IRF8: variants seen among roughly 807,000 people sequenced by gnomAD.
The protein encoded by IRF8 is interferon consensus sequence binding protein 1.
In IRF8, 14 loss-of-function variants were observed where a neutral mutation model predicts 48.7. The ratio of observed to expected loss-of-function variants is 0.29; its 90% CI spans 0.19 to 0.45. IRF8 has a LOEUF of 0.45. IRF8 is among the 20% of genes least tolerant of loss of function. IRF8 has a pLI of 1.00. For synonymous variants in IRF8, 278 were observed against 227.3 expected (o/e 1.22, Z -2.01); for missense variants, 493 against 580.7 (o/e 0.85, Z 1.55).
At position 85,903,085 on chromosome 16, in the gene IRF8, C is replaced by G. The variant is rs1904878101; in HGVS notation, c.70C>G (p.Pro24Ala). The change falls in exon 2 of 9, where the codon CCA becomes GCA. Residue 24 changes from proline (P) to alanine (A), a missense_variant. By Grantham distance (27) the Pro-to-Ala change is conservative. Around this residue, in one of 3 missense-constraint regions of IRF8, gnomAD observed 54 missense variants for 59.9 expected, o/e 0.90. Transcript: ENST00000268638. The stretch of plus-strand genomic sequence containing the variant: ...CGAGCAGATTGACAGTAGCATGTAT[C>G]CAGGACTGATTTGGGAGAATGAGGA... ...LIEQIDSSMYPGLIWENEEKS... is the reference protein window; with the variant it reads ...LIEQIDSSMYAGLIWENEEKS... 6.2e-7 allele frequency: 1 copy of G among 1,614,154 alleles called. No individual in the cohort carries two copies. The highest frequency in any genetic ancestry group is 8.5e-7 in the Non-Finnish European group (1 of 1,179,998).
intron 2 of IRF8, among the ~76,000 whole-genome samples, chr16:85,905,088 C>A (rs1171125486): frequency 2.0e-5 from 3 of 152,150 alleles, no homozygotes; most frequent in Non-Finnish European, 2.9e-5. Context: ...CTGTCACAAT[C>A]AAAAATGTCT....
At chr16:85,908,033 G>A (rs1193630378) in intron 2 of IRF8, among the ~76,000 whole-genome samples, 1 of 152,128 alleles carries the variant, frequency 6.6e-6, no homozygotes, top group African/African-American at 2.4e-5. Flanking sequence ...GCATTTTCCT[G>A]AAGTGGGTAC....
In IRF8 at chr16:85,903,131, C is replaced by G; in HGVS notation, c.116C>G (p.Pro39Arg). The change falls in exon 2 of 9, where the codon CCT becomes CGT. Residue 39 changes from proline (P) to arginine (R), a missense_variant. Around this residue, in one of 3 missense-constraint regions of IRF8, gnomAD observed 54 missense variants for 59.9 expected, o/e 0.90. Coordinates refer to ENST00000268638, the MANE Select transcript of IRF8 (RefSeq NM_002163.4). The stretch of plus-strand genomic sequence containing the variant: ...GAGGAGAAGAGCATGTTCCGGATCC[C>G]TTGGAAACACGCTGGCAAGCAAGAT... ...ENEEKSMFRI[P>R]WKHAGKQDYN... 4 of 1,614,156 alleles carry G rather than the reference C, an allele frequency of 2.5e-6. No homozygotes were observed. Among genetic ancestry groups the G allele is most frequent in the Non-Finnish European group, 3.4e-6 (4 of 1,180,028 alleles).
At chr16:85,909,881 G>C (rs1222675025) in intron 3 of IRF8, 2 of 152,412 alleles carry the variant, frequency 1.3e-5, no homozygotes, top group African/African-American at 4.8e-5. Flanking sequence ...CTAATTACCA[G>C]CGCTGGTTTA....
intron 5 of IRF8, chr16:85,914,108 C>A: frequency 3.0e-6 from 1 of 330,624 alleles, no homozygotes; most frequent in Non-Finnish European, 5.9e-6. Flanking sequence ...TAGCTTGCAC[C>A]CCCAGGCTCT....
chr16:85,905,362 G>C (rs79991984), intron 2 of IRF8, among the ~76,000 whole-genome samples: 18 of 152,200 alleles, frequency 1.2e-4, no homozygotes, highest in Non-Finnish European at 1.9e-4. Context: ...TTGTGCTCGG[G>C]GGGTAATGAA....
chr16:85,910,316 C>T (rs1261386380), intron 3 of IRF8, among the ~76,000 whole-genome samples: 1 of 152,168 alleles, frequency 6.6e-6, no homozygotes, highest in Non-Finnish European at 1.5e-5. Flanking sequence ...CAATTAGCAC[C>T]TAACTCTACT....
intron 8 of IRF8, 81 bp from the exon 9 acceptor site, chr16:85,921,025 G>C: frequency 7.0e-7 from 1 of 1,421,398 alleles, no homozygotes; most frequent in Non-Finnish European, 9.7e-7. Context: ...GTCATCAGAG[G>C]ACCTGGCTAG....
intron 1 of IRF8, among the ~76,000 whole-genome samples, chr16:85,900,256 T>A (rs963622266): frequency 6.6e-6 from 1 of 152,104 alleles, no homozygotes; most frequent in Non-Finnish European, 1.5e-5. Flanking sequence ...CTGGATTAGG[T>A]GGGCCCAGGG....
intron 5 of IRF8, among the ~76,000 whole-genome samples, chr16:85,913,712 C>A (rs1018831118): frequency 2.0e-5 from 3 of 152,250 alleles, no homozygotes; most frequent in East Asian, 3.8e-4. Flanking sequence ...GAAGTTTGTT[C>A]AGAGCCCTAG....
chr16:85,922,169 G>A lies in IRF8; in HGVS notation c.*887G>A, dbSNP rs967211215. 6.6e-6 allele frequency: 1 copy of A among 152,388 alleles called. No homozygotes were observed. The highest frequency in any genetic ancestry group is 1.5e-5 in the Non-Finnish European group (1 of 68,062). 9.4% of individuals were successfully genotyped at this position (152,388 alleles called of 1,614,324 possible). ...CCAGTGAAAGGGCAGCCTTCATTTT[G>A]AGAAGGTGGAAGGTGTTAGGGTTTG... On this transcript the variant is annotated 3_prime_UTR_variant, in exon 9 of 9. Coordinates refer to ENST00000268638, the MANE Select transcript of IRF8 (RefSeq NM_002163.4).
At chr16:85,903,423 G>A (rs925637389) in intron 2 of IRF8, 12 of 541,490 alleles carry the variant, frequency 2.2e-5, no homozygotes, top group South Asian at 1.7e-4. Context: ...TGAGGAGATC[G>A]AAGGCTCTTT....
intron 3 of IRF8, among the ~76,000 whole-genome samples, 169 bp from the exon 4 acceptor site, chr16:85,911,401 C>T (rs894573533): frequency 6.6e-6 from 1 of 152,210 alleles, no homozygotes; most frequent in Admixed American, 6.5e-5. Context: ...CTTTGCTGAT[C>T]AGATGACTGA....
intron 3 of IRF8, 109 bp from the exon 4 acceptor site, chr16:85,911,461 C>A: frequency 1.1e-6 from 1 of 931,998 alleles, no homozygotes; most frequent in Non-Finnish European, 1.7e-6. Flanking sequence ...AAGACACTCA[C>A]TAACTTAATG....
chr16:85,905,897 T>C (rs1206535466), intron 2 of IRF8, among the ~76,000 whole-genome samples: 2 of 152,256 alleles, frequency 1.3e-5, no homozygotes, highest in African/African-American at 4.8e-5. Flanking sequence ...CCTCATTGTC[T>C]GCAGGCATCA....
rs750840460 is a variant in IRF8, at chr16:85,913,226, G to C, written c.543G>C (p.Gln181His). The C allele has an allele frequency of 1.2e-6, 2 of 1,612,712 alleles. No homozygotes were observed. The highest frequency in any genetic ancestry group is 4.5e-5 in the East Asian group (2 of 44,890). ...TCCTTCCAGACTGGTGGGCGCAGCA[G>C]CCCAGCACAGGTGAGGGTGGGTGGC... ...SQLLPDWWAQQPSTGVPLVTG... is the reference protein window; with the variant it reads ...SQLLPDWWAQHPSTGVPLVTG... The change falls in exon 5 of 9, where the codon CAG (glutamine) becomes CAC (histidine). Residue 181 changes from glutamine to histidine, a missense_variant. Physicochemically the swap from Gln to His is conservative, Grantham distance 24. Transcript: ENST00000268638.
chr16:85,911,795 T>G, intron 4 of IRF8, 137 bp downstream of exon 4: 1 of 724,052 alleles, frequency 1.4e-6, no homozygotes, highest in Non-Finnish European at 2.4e-6. Flanking sequence ...TCTCCACCTG[T>G]ACAGATCTGG....
chr16:85,900,539 G>A (rs1904795848), intron 1 of IRF8, among the ~76,000 whole-genome samples: 1 of 152,254 alleles, frequency 6.6e-6, no homozygotes, highest in African/African-American at 2.4e-5. Flanking sequence ...AGACGTGGCT[G>A]CACATGTGCA....
At chr16:85,899,421 T>C (rs564074379) in intron 1 of IRF8, among the ~76,000 whole-genome samples, 198 bp downstream of exon 1, 2 of 152,376 alleles carry the variant, frequency 1.3e-5, no homozygotes, top group African/African-American at 2.4e-5. Flanking sequence ...AAGTCGTTGA[T>C]TGTCGTTTGC....
Sources: gnomAD v4.1 joint callset for allele counts (sites outside exome capture counted in the v4.1 genomes callset) on GRCh38, gnomAD v4.1.1 for gene constraint, gnomAD v4.1.1 regional missense constraint, MANE v1.5 for transcripts, NCBI Gene and HGNC (gene_info 2026-07-23, HGNC 2026-07-21) for gene names.